Variants in DEFB104B observed in about 807,000 individuals in gnomAD.
DEFB104B encodes the protein defensin beta 104B, also known as beta-defensin 104.
intron 1 of DEFB104B, among the ~76,000 whole-genome samples, chr8:7,474,769 T>C (rs1173171954): frequency 7.4e-6 from 1 of 135,726 alleles, no homozygotes; most frequent in Non-Finnish European, 1.7e-5. Context: ...CATCTAGGAC[T>C]CCTGATCCCT....
At chr8:7,470,866 G>A (rs1319210842) in intron 1 of DEFB104B, among the ~76,000 whole-genome samples, 2 of 130,594 alleles carry the variant, frequency 1.5e-5, no homozygotes. Context: ...CTTTTCCACT[G>A]TGGCCCTCAC....
chr8:7,471,125 C>T (rs1275256788), intron 1 of DEFB104B, among the ~76,000 whole-genome samples: 2 of 152,040 alleles, frequency 1.3e-5, no homozygotes, highest in Non-Finnish European at 2.9e-5. Context: ...TCTTTTATAT[C>T]ACCTATCGCA....
chr8:7,470,674 C>T (rs201226489), intron 1 of DEFB104B, among the ~76,000 whole-genome samples, 158 bp from the exon 2 acceptor site: 350 of 1,772 alleles, frequency 0.2, 1 homozygote, highest in Non-Finnish European at 0.31. Flanking sequence ...AGATGATTGA[C>T]TTGACCTTCT....
intron 1 of DEFB104B, among the ~76,000 whole-genome samples, chr8:7,472,346 A>G (rs1810983218): frequency 8.1e-6 from 1 of 123,400 alleles, no homozygotes; most frequent in Admixed American, 8.2e-5. Context: ...TTAAAATGTT[A>G]GACTGTCAGT....
chr8:7,474,881 A>G, intron 1 of DEFB104B, 130 bp downstream of exon 1: 1 of 483,992 alleles, frequency 2.1e-6, no homozygotes, highest in Admixed American at 3.4e-5. Flanking sequence ...ATGAAAGCAA[A>G]GAGAAAAAAG....
chr8:7,474,016 G>A (rs535234007), intron 1 of DEFB104B, among the ~76,000 whole-genome samples: 2 of 139,816 alleles, frequency 1.4e-5, no homozygotes, highest in South Asian at 4.5e-4. Context: ...TCACAGAAGT[G>A]TCTTTGGGAA....
chr8:7,472,726 C>T (rs1418288614), intron 1 of DEFB104B, among the ~76,000 whole-genome samples: 6 of 133,052 alleles, frequency 4.5e-5, no homozygotes, highest in Non-Finnish European at 9.4e-5. Flanking sequence ...GTGACACAAC[C>T]TCAGGAGGTC....
chr8:7,474,374 A>G (rs1007349215), intron 1 of DEFB104B, among the ~76,000 whole-genome samples: 3 of 144,056 alleles, frequency 2.1e-5, no homozygotes, highest in Admixed American at 6.9e-5. Flanking sequence ...ATTAAGAAAT[A>G]CATGCTTCTG....
chr8:7,471,987 A>T (rs1373814534), intron 1 of DEFB104B, among the ~76,000 whole-genome samples: 8 of 151,258 alleles, frequency 5.3e-5, no homozygotes, highest in Non-Finnish European at 8.8e-5. Flanking sequence ...ACTAAAAGGC[A>T]GTTTGACCAA....
At chr8:7,471,193 G>A (rs1810930655) in intron 1 of DEFB104B, among the ~76,000 whole-genome samples, 2 of 144,180 alleles carry the variant, frequency 1.4e-5, no homozygotes, top group East Asian at 2.2e-4. Context: ...CATATATAGA[G>A]AGAGATACAT....
intron 1 of DEFB104B, among the ~76,000 whole-genome samples, chr8:7,472,951 G>A (rs1420595323): frequency 1.1e-4 from 12 of 113,614 alleles, no homozygotes; most frequent in Non-Finnish European, 2.0e-4. Context: ...CCACCTCTTG[G>A]GTTCAAGCGA....
At chr8:7,474,362 A>G (rs1332521759) in intron 1 of DEFB104B, among the ~76,000 whole-genome samples, 1 of 144,336 alleles carries the variant, frequency 6.9e-6, no homozygotes, top group African/African-American at 2.5e-5. Flanking sequence ...CATTGCAAAT[A>G]TATTAAGAAA....
chr8:7,470,768 T>C (rs1464388923), intron 1 of DEFB104B, among the ~76,000 whole-genome samples: 1 of 91,966 alleles, frequency 1.1e-5, no homozygotes, highest in Non-Finnish European at 2.2e-5. Flanking sequence ...AAGTTTACTA[T>C]TGTTTTCTTT....
rs1190706626 is a variant in DEFB104B at position 7,472,820 on chromosome 8, G to A, written c.58+2191C>T. On this transcript the variant is annotated intron_variant, in intron 1 of 1. Transcript: ENST00000316169. ...GGAGACATAATACATCAATCAATACGTGTAAGATTTGCTTTGTTTTTTTTG... is the reference window on the plus strand; with the variant it reads ...GGAGACATAATACATCAATCAATACATGTAAGATTTGCTTTGTTTTTTTTG... 6.0e-5 allele frequency among the ~76,000 whole-genome samples: 8 copies of A among 134,378 alleles called. 1 individual carries two copies. Among genetic ancestry groups the A allele is most frequent in the African/African-American group, 1.8e-4 (6 of 32,736 alleles). The allele number at this position is 134,378 out of a possible 152,430, so 88.2% of individuals were successfully genotyped here.
intron 1 of DEFB104B, among the ~76,000 whole-genome samples, chr8:7,470,910 G>C (rs374352370): frequency 0.088 from 10,256 of 116,240 alleles, 5 homozygotes; most frequent in Middle Eastern, 0.16. Flanking sequence ...CTTCCCTTCT[G>C]TTCCGTGTGA....
intron 1 of DEFB104B, among the ~76,000 whole-genome samples, chr8:7,472,606 C>T (rs1239947520): frequency 7.8e-6 from 1 of 128,276 alleles, no homozygotes; most frequent in African/African-American, 3.2e-5. Flanking sequence ...TAGTTTCTTT[C>T]TTGCATAAGC....
At chr8:7,471,211 T>C (rs1810931690) in intron 1 of DEFB104B, among the ~76,000 whole-genome samples, 1 of 137,398 alleles carries the variant, frequency 7.3e-6, no homozygotes, top group African/African-American at 2.7e-5. Flanking sequence ...CATACAAACA[T>C]AGACATAGAT....
At chr8:7,472,664 C>G (rs1192837439) in intron 1 of DEFB104B, among the ~76,000 whole-genome samples, 43 of 127,218 alleles carry the variant, frequency 3.4e-4, no homozygotes, top group African/African-American at 1.4e-3. Flanking sequence ...AGGCAGGTCT[C>G]AGGTCTTAGT....
intron 1 of DEFB104B, among the ~76,000 whole-genome samples, chr8:7,472,205 T>A (rs1355518882): frequency 7.2e-6 from 1 of 139,000 alleles, no homozygotes; most frequent in Non-Finnish European, 1.5e-5. Flanking sequence ...ATGTGCCTTC[T>A]GACATATCTG....
Sources: allele counts gnomAD v4.1 joint callset (sites outside exome capture counted in the v4.1 genomes callset), GRCh38; gene constraint gnomAD v4.1.1; transcripts MANE v1.5; gene names NCBI Gene and HGNC (gene_info 2026-07-23, HGNC 2026-07-21).